LRFN1: variants seen among roughly 807,000 people sequenced by gnomAD.
The protein encoded by LRFN1 is leucine rich repeat and fibronectin type III domain containing 1, also known as leucine-rich repeat and fibronectin type III domain-containing protein 1.
LRFN1 carries 20 observed loss-of-function variants against 31.8 expected under a neutral mutation model. The ratio of observed to expected loss-of-function variants is 0.63; its 90% confidence interval spans 0.44 to 0.91. The LOEUF (loss-of-function observed/expected upper bound fraction) is 0.91. Ranked by LOEUF, LRFN1 falls within the 40% of genes least tolerant of loss-of-function variation. The probability of loss-of-function intolerance (pLI) is 0.00; values close to 1 mark genes in which losing one functional copy is unlikely to be tolerated. For synonymous variants in LRFN1, 514 were observed against 541.3 expected, an observed-to-expected ratio of 0.95 and a Z score of 0.70; for missense variants, 912 against 1,129.8, an observed-to-expected ratio of 0.81 and a Z score of 2.76.
rs1254139255 is a variant in LRFN1, at chr19:39,314,288, C to T, written c.1049G>A (p.Arg350Gln). 6 of 1,611,178 alleles carry T rather than the reference C, an allele frequency of 3.7e-6. No individual in the cohort carries two copies. Among genetic ancestry groups the T allele is most frequent in the South Asian group, 2.2e-5 (2 of 90,724 alleles). Reference sequence around the variant, plus strand: ...GGTCACATCCAGCGTCCCGTCCCCCCGGACCCGGGTCCGGCTGGAGTTCCC... The same window carrying T: ...GGTCACATCCAGCGTCCCGTCCCCCTGGACCCGGGTCCGGCTGGAGTTCCC... ...LLGNSSRTRV[R>Q]GDGTLDVTIT... Residue 350 changes from arginine to glutamine, a missense_variant, in exon 4 of 5, where the codon CGG becomes CAG. This residue lies in a region of LRFN1 where 401 missense variants were observed against 572.7 expected (regional missense o/e 0.70). Coordinates refer to ENST00000248668, the MANE Select transcript of LRFN1 (RefSeq NM_020862.2).
intron 4 of LRFN1, among the ~76,000 whole-genome samples, chr19:39,311,875 C>CTTTT (rs562002567): frequency 2.0e-5 from 2 of 100,594 alleles, no homozygotes; most frequent in African/African-American, 4.2e-5. Context: ...AAAAGGGAGG[C>CTTTT]TTTTTTTTTT....
In LRFN1 at chr19:39,314,526, C is replaced by T; in HGVS notation, c.811G>A (p.Asp271Asn). The T allele has an allele frequency of 6.2e-7, 1 of 1,609,850 alleles. No individual in the cohort carries two copies. The highest frequency in any genetic ancestry group is 8.5e-7 in the Non-Finnish European group (1 of 1,178,826). ...TCGGGCGTGGCGCAGGTCTCTAAGT[C>T]GTCCTCGCGGGTCAGCCGCCGCAGC... ...LWLRRLTRED[D>N]LETCATPEHL... is the part of the protein sequence containing the mutation. Residue 271 changes from aspartate to asparagine, a missense_variant, in exon 4 of 5, where the codon GAC becomes AAC. This residue lies in a region of LRFN1 where 401 missense variants were observed against 572.7 expected (regional missense o/e 0.70). Coordinates refer to ENST00000248668, the MANE Select transcript of LRFN1 (RefSeq NM_020862.2).
Position 39,315,788 on chromosome 19 carries a change from C to T in LRFN1, c.-38+294G>A, listed in dbSNP as rs2075170429. On this transcript the variant is annotated intron_variant, in intron 3 of 4. Coordinates refer to ENST00000248668, the MANE Select transcript of LRFN1 (RefSeq NM_020862.2). The surrounding 1 kb of genome is among the most constrained non-coding windows in gnomAD (Gnocchi z 4.7). The stretch of plus-strand genomic sequence containing the variant: ...GAGCCGAGATCACACCATTGCAATC[C>T]AGTCTGGGCGACAGAGCAAGACTCC... Among the ~76,000 whole-genome samples the T allele has an allele frequency of 6.6e-6, 1 of 152,158 alleles. No individual in the cohort carries two copies. The highest frequency in any genetic ancestry group is 1.5e-5 in the Non-Finnish European group (1 of 68,026).
At chr19:39,312,864 C>T (rs1466629746) in intron 4 of LRFN1, among the ~76,000 whole-genome samples, 1 of 151,354 alleles carries the variant, frequency 6.6e-6, no homozygotes, top group Non-Finnish European at 1.5e-5. Flanking sequence ...AAGGCCAGGA[C>T]TGCAACTCAT....
chr19:39,312,645 A>T (rs909970555), intron 4 of LRFN1, among the ~76,000 whole-genome samples: 1 of 151,856 alleles, frequency 6.6e-6, no homozygotes, highest in Non-Finnish European at 1.5e-5. Context: ...TCTACTAAAA[A>T]TTTTTTTAAA....
In LRFN1 at chr19:39,309,565, C is replaced by G. The variant is rs531694398; in HGVS notation, c.1407-1023G>C. On this transcript the variant is annotated intron_variant, in intron 4 of 4. Coordinates refer to ENST00000248668, the MANE Select transcript of LRFN1 (RefSeq NM_020862.2). ...TCCAAGTCCCTTAACTACATGTTCC[C>G]TGACATTGCTACAGGCCATTCCCCA... Among the ~76,000 whole-genome samples the G allele has an allele frequency of 3.7e-4, 56 of 149,590 alleles. No individual in the cohort carries two copies. The South Asian group carries it at 9.9e-3, about 26-fold the overall frequency.
At chr19:39,317,256 G>C (rs1281555817) in intron 2 of LRFN1, among the ~76,000 whole-genome samples, 5 of 152,108 alleles carry the variant, frequency 3.3e-5, no homozygotes, top group African/African-American at 1.2e-4. Flanking sequence ...GGAGGAAAGA[G>C]ACAGAGAGTA....
Position 39,308,005 on chromosome 19 carries a change from G to C in LRFN1, c.1944C>G (p.Thr648=), listed in dbSNP as rs1265471925. The C allele has an allele frequency of 6.4e-7, 1 of 1,573,902 alleles. No individual in the cohort carries two copies. The highest frequency in any genetic ancestry group is 8.6e-7 in the Non-Finnish European group (1 of 1,166,620). Residue 648 remains threonine, a synonymous_variant, in exon 5 of 5, where the codon ACC becomes ACG. Coordinates refer to ENST00000248668, the MANE Select transcript of LRFN1 (RefSeq NM_020862.2). This position sits in a 1 kb window ranked among gnomAD's most constrained non-coding sequence, Gnocchi z 6.2. ...VLGRSLGGSA[T]SLCLLPSEET... ...CCTCGGATGGCAGCAGGCACAGCGA[G>C]GTGGCCGAGCCGCCCAGAGAACGTC... is the stretch of plus-strand genomic sequence containing the variant.
chr19:39,314,872 C>G lies in LRFN1; in HGVS notation c.465G>C (p.Ala155=), dbSNP rs778013850. ...CGGTGGACAGGAAGGCGTCAAAGGC[C>G]GCCGACTCCACCCGGCGGATCTGGT... is the stretch of plus-strand genomic sequence containing the variant. ...GNNQIRRVES[A]AFDAFLSTVE... is the part of the protein sequence containing the mutation. The change falls in exon 4 of 5, where the codon GCG becomes GCC. Residue 155 remains alanine, a synonymous_variant. Transcript: ENST00000248668. 1.2e-6 allele frequency: 2 copies of G among 1,610,114 alleles called. No homozygotes were observed. Among genetic ancestry groups the G allele is most frequent in the African/African-American group, 1.3e-5 (1 of 74,996 alleles).
Position 39,308,183 on chromosome 19 carries a change from G to T in LRFN1, c.1766C>A (p.Ala589Glu). The change falls in exon 5 of 5, where the codon GCA becomes GAA. Residue 589 changes from alanine (A) to glutamate (E), a missense_variant. Physicochemically the swap from Ala to Glu is moderately radical, Grantham distance 107. Around this residue, in one of 2 missense-constraint regions of LRFN1, gnomAD observed 511 missense variants for 557.0 expected, o/e 0.92. Coordinates refer to ENST00000248668, the MANE Select transcript of LRFN1 (RefSeq NM_020862.2). The surrounding 1 kb of genome is among the most constrained non-coding windows in gnomAD (Gnocchi z 6.2). ...CGGGGCCTGTGCCGCGCCTGTGCCT[G>T]CGCCGTTGGTCTGCGAGCACACGTG... The part of the protein sequence containing the change: ...VSHVCSQTNG[A>E]GTGAAQAPAL... 16 of 1,591,706 alleles carry T rather than the reference G, an allele frequency of 1.0e-5. No homozygotes were observed. The highest frequency in any genetic ancestry group is 1.4e-5 in the Non-Finnish European group (16 of 1,167,912).
At chr19:39,312,877 TG>T (rs1187165174) in intron 4 of LRFN1, among the ~76,000 whole-genome samples, 1 of 151,052 alleles carries the variant, frequency 6.6e-6, no homozygotes, top group East Asian at 1.9e-4. Context: ...CAACTCATAG[TG>T]TACTATGGAC....
chr19:39,314,605 C>G lies in LRFN1; in HGVS notation c.732G>C (p.Pro244=). Reference sequence around the variant, plus strand: ...GGTTGCCGCCGAAGCTGACGGTCAGCGGGGTGGGCGGCTTGGGCCCGGTGC... The same window carrying G: ...GGTTGCCGCCGAAGCTGACGGTCAGGGGGGTGGGCGGCTTGGGCCCGGTGC... ...SQGTGPKPPT[P]LTVSFGGNPL... is the part of the protein sequence containing the mutation. The change falls in exon 4 of 5, where the codon CCG becomes CCC. Residue 244 remains proline (P), a synonymous_variant. Coordinates refer to ENST00000248668, the MANE Select transcript of LRFN1 (RefSeq NM_020862.2). 1 of 1,609,564 alleles carries G rather than the reference C, an allele frequency of 6.2e-7. No individual in the cohort carries two copies. Among genetic ancestry groups the G allele is most frequent in the African/African-American group, 1.3e-5 (1 of 74,984 alleles).
rs2075159896 is a variant in LRFN1, at chr19:39,313,917, G to C, written c.1406+14C>G. 6.4e-7 allele frequency: 1 copy of C among 1,573,224 alleles called. No individual in the cohort carries two copies. The highest frequency in any genetic ancestry group is 8.6e-7 in the Non-Finnish European group (1 of 1,159,432). On this transcript the variant is annotated intron_variant, in intron 4 of 4. Coordinates refer to ENST00000248668, the MANE Select transcript of LRFN1 (RefSeq NM_020862.2). The stretch of plus-strand genomic sequence containing the variant: ...CTTGGGAGGAGGCCCTGGGACTGCA[G>C]CACCCGCACCCACCTGTAGACGAGG...
intron 2 of LRFN1, among the ~76,000 whole-genome samples, chr19:39,316,517 TC>T (rs905541567): frequency 6.6e-6 from 1 of 151,896 alleles, no homozygotes; most frequent in African/African-American, 2.4e-5. Context: ...GTTAAGGGTT[TC>T]CCCCCTCCCG....
In LRFN1 at chr19:39,308,289, G is replaced by A; in HGVS notation, c.1660C>T (p.Leu554=). 6.2e-7 allele frequency: 1 copy of A among 1,613,370 alleles called. No individual in the cohort carries two copies. The highest frequency in any genetic ancestry group is 1.1e-5 in the South Asian group (1 of 91,072). Residue 554 remains leucine, a synonymous_variant, in exon 5 of 5, where the codon CTG becomes TTG. Transcript: ENST00000248668. This position sits in a 1 kb window ranked among gnomAD's most constrained non-coding sequence, Gnocchi z 6.2. ...TACACCTTATAGCGGATCATGAGCAGAACGATGAAGACGAGGACCGAGGCG... is the reference window on the plus strand; with the variant it reads ...TACACCTTATAGCGGATCATGAGCAAAACGATGAAGACGAGGACCGAGGCG... ...IVASVLVFIV[L]LMIRYKVYGD...
intron 2 of LRFN1, 123 bp downstream of exon 2, chr19:39,318,203 G>A (rs1224701294): frequency 6.6e-6 from 1 of 152,376 alleles, no homozygotes; most frequent in East Asian, 1.9e-4. Context: ...TGGTCCTTCA[G>A]GAAACTGTCA....
chr19:39,307,903 C>T lies in LRFN1; in HGVS notation c.2046G>A (p.Ser682=), dbSNP rs747595370. Residue 682 remains serine, a synonymous_variant, in exon 5 of 5, where the codon TCG becomes TCA. Transcript: ENST00000248668. The surrounding 1 kb of genome is among the most constrained non-coding windows in gnomAD (Gnocchi z 6.7). Reference sequence around the variant, plus strand: ...GAACTAGAGCTAGAGTAGGGGGCGCCGAGGTTGGTGGCTCCAGGGCGCCGG... The same window carrying T: ...GAACTAGAGCTAGAGTAGGGGGCGCTGAGGTTGGTGGCTCCAGGGCGCCGG... ...SRSGALEPPT[S]APPTLALVPG... 9.7e-4 allele frequency: 1,516 copies of T among 1,565,766 alleles called. 3 individuals are homozygous for T. In the Middle Eastern group the frequency reaches 0.018, roughly 19 times the overall value.
Position 39,307,692 on chromosome 19 carries a change from A to G in LRFN1, c.2257T>C (p.Ser753Pro). The stretch of plus-strand genomic sequence containing the variant: ...GTGAAAGCCAGGCACGCCCTGGCGG[A>G]GCCCAGCCCCAGGTCTCCATCCTCC... ...AGEDGDLGLG[S>P]ARACLAFTST... The change falls in exon 5 of 5, where the codon TCC becomes CCC. Residue 753 changes from serine to proline, a missense_variant. Transcript: ENST00000248668. This position sits in a 1 kb window ranked among gnomAD's most constrained non-coding sequence, Gnocchi z 6.7. 1 of 1,508,156 alleles carries G rather than the reference A, an allele frequency of 6.6e-7. No individual in the cohort carries two copies. The highest frequency in any genetic ancestry group is 2.2e-5 in the Admixed American group (1 of 46,150). The allele number at this position is 1,508,156 out of a possible 1,614,324, so 93.4% of individuals were successfully genotyped here.
At position 39,306,944 on chromosome 19, in the gene LRFN1, C is replaced by A. The variant is rs1220045391; in HGVS notation, c.*689G>T. On this transcript the variant is annotated 3_prime_UTR_variant, in exon 5 of 5. Transcript: ENST00000248668. ...GGAGAGTCTGGTCCTTCCAGTGGGA[C>A]CTGCCCGGGAGAATGAGTAAAGAGA... 1 of 190,184 alleles carries A rather than the reference C, an allele frequency of 5.3e-6. No homozygotes were observed. Among genetic ancestry groups the A allele is most frequent in the Admixed American group, 6.2e-5 (1 of 16,196 alleles). 11.8% of individuals were successfully genotyped at this position (190,184 alleles called of 1,614,324 possible). A position where few individuals can be genotyped will look rare whatever the true frequency, so the allele number is the denominator to read the frequency against.
Sources: gnomAD v4.1 joint callset for allele counts (sites outside exome capture counted in the v4.1 genomes callset) on GRCh38, gnomAD v4.1.1 for gene constraint, gnomAD v4.1.1 regional missense constraint, Gnocchi (gnomAD v3.1) non-coding constraint, MANE v1.5 for transcripts, NCBI Gene and HGNC (gene_info 2026-07-23, HGNC 2026-07-21) for gene names.